PHIP: variants seen among roughly 807,000 people sequenced by gnomAD.
PHIP encodes the protein PH-interacting protein.
PHIP carries 54 observed loss-of-function variants against 236.8 expected under a neutral mutation model. That is an observed-to-expected ratio of 0.23 (90% CI 0.18 to 0.29). PHIP has a LOEUF of 0.29. Ranked by LOEUF, PHIP falls within the 10% of genes least tolerant of loss-of-function variation. PHIP has a pLI of 1.00. For synonymous variants in PHIP, 756 were observed against 718.9 expected (o/e 1.05, Z -0.83); for missense variants, 1,370 against 2,190.8 (o/e 0.63, Z 7.48).
chr6:78,999,535 C>T (rs940067011), intron 17 of PHIP, among the ~76,000 whole-genome samples: 6 of 151,960 alleles, frequency 3.9e-5, no homozygotes, highest in African/African-American at 1.4e-4. Context: ...AAATCTAGTA[C>T]AATGCTAGGC....
At chr6:78,985,462 AT>A in intron 21 of PHIP, 34 bp from the exon 22 acceptor site, 1 of 989,574 alleles carries the variant, frequency 1.0e-6, no homozygotes, top group Non-Finnish European at 1.6e-6. Context: ...TTATTGCATA[AT>A]TTTATAAAAT....
At chr6:79,073,207 T>C (rs1195501522) in intron 4 of PHIP, among the ~76,000 whole-genome samples, 2 of 152,184 alleles carry the variant, frequency 1.3e-5, no homozygotes, top group Non-Finnish European at 2.9e-5. Flanking sequence ...TTTTAAAAAA[T>C]GGTATAAGCA....
intron 7 of PHIP, among the ~76,000 whole-genome samples, chr6:79,038,572 T>C (rs1474532955): frequency 3.3e-5 from 5 of 152,230 alleles, no homozygotes; most frequent in African/African-American, 1.2e-4. Flanking sequence ...CATGAAATTC[T>C]CATCTCCTGG....
At chr6:79,042,179 AATCAAAT>A (rs1179927435) in intron 7 of PHIP, among the ~76,000 whole-genome samples, 1 of 152,050 alleles carries the variant, frequency 6.6e-6, no homozygotes. Flanking sequence ...GGCACCTGAA[AATCAAAT>A]ATTTCCAAAA....
intron 6 of PHIP, among the ~76,000 whole-genome samples, chr6:79,045,180 T>TGTTA (rs1772417025): frequency 6.6e-6 from 1 of 152,142 alleles, no homozygotes; most frequent in Non-Finnish European, 1.5e-5. Context: ...GACAAACTTG[T>TGTTA]GTTAACAGCA....
At chr6:78,992,502 G>GC (rs1401174482) in intron 19 of PHIP, among the ~76,000 whole-genome samples, 2 of 150,906 alleles carry the variant, frequency 1.3e-5, no homozygotes, top group Non-Finnish European at 3.0e-5. Context: ...TTCACAAGCT[G>GC]CAAGTTTGTG....
In PHIP at chr6:78,947,704, A is replaced by G. The variant is rs1237232512; in HGVS notation, c.4125T>C (p.Tyr1375=). 5 of 1,581,156 alleles carry G rather than the reference A, an allele frequency of 3.2e-6. No individual in the cohort carries two copies. Among genetic ancestry groups the G allele is most frequent in the Admixed American group, 3.3e-5 (2 of 59,952 alleles). ...TVRETLEAGN[Y]ESPMELCKDV... is the part of the protein sequence containing the mutation. ...CTTTACATAACTCCATTGGTGACTC[A>G]TAATTCCCAGCCTCTAAAGTTTCTC... The change falls in exon 36 of 40, where the codon TAT becomes TAC. Residue 1375 remains tyrosine (Y), a synonymous_variant. Coordinates refer to ENST00000275034, the MANE Select transcript of PHIP (RefSeq NM_017934.7).
intron 6 of PHIP, among the ~76,000 whole-genome samples, chr6:79,050,390 G>A (rs1772731731): frequency 6.6e-6 from 1 of 152,074 alleles, no homozygotes; most frequent in South Asian, 2.1e-4. Flanking sequence ...TTACCAGTAA[G>A]GAAACCAAAG....
chr6:78,954,266 T>TG (rs1766256137), intron 35 of PHIP, among the ~76,000 whole-genome samples: 1 of 130,164 alleles, frequency 7.7e-6, no homozygotes, highest in African/African-American at 2.8e-5. Flanking sequence ...CACGCCTGGC[T>TG]AATTTTTTTT....
rs70937077 is a variant in PHIP, at chr6:79,016,722, T to C, written c.1137-80A>G. On this transcript the variant is annotated intron_variant, in intron 12 of 39. Transcript: ENST00000275034. ...ATGCACTTTTCCCAGAGATCTTGTT[T>C]AAAAAGACAGCATTCATCTTTATTT... 2,728 of 803,628 alleles carry C rather than the reference T, an allele frequency of 3.4e-3. 93 individuals carry two copies. The East Asian group carries it at 0.066, about 20-fold the overall frequency. The allele number at this position is 803,628 out of a possible 1,614,324, so 49.8% of individuals were successfully genotyped here. A position where few individuals can be genotyped will look rare whatever the true frequency, so the allele number is the denominator to read the frequency against.
Position 78,958,462 on chromosome 6 carries a change from A to G in PHIP, c.3782+13T>C. The G allele has an allele frequency of 7.0e-7, 1 of 1,418,574 alleles. No homozygotes were observed. The highest frequency in any genetic ancestry group is 1.2e-5 in the South Asian group (1 of 85,492). The allele number at this position is 1,418,574 out of a possible 1,614,324, so 87.9% of individuals were successfully genotyped here. On this transcript the variant is annotated intron_variant, in intron 32 of 39. Coordinates refer to ENST00000275034, the MANE Select transcript of PHIP (RefSeq NM_017934.7). ...TTAAAACTATCATAATTACATATGA[A>G]AAGATAACTTACTTTATAAAATGTA... is the stretch of plus-strand genomic sequence containing the variant.
intron 6 of PHIP, among the ~76,000 whole-genome samples, chr6:79,043,905 C>T (rs1772344668): frequency 6.6e-6 from 1 of 150,832 alleles, no homozygotes; most frequent in East Asian, 1.9e-4. Context: ...CGAATTTAGC[C>T]CTAAAGAAAA....
intron 6 of PHIP, among the ~76,000 whole-genome samples, chr6:79,051,165 T>C (rs1400328486): frequency 2.0e-5 from 3 of 152,142 alleles, no homozygotes; most frequent in Non-Finnish European, 4.4e-5. Flanking sequence ...CCAGAATTAA[T>C]CTGGGAAATT....
chr6:79,005,280 C>T (rs1562172207), intron 15 of PHIP, among the ~76,000 whole-genome samples: 1 of 151,810 alleles, frequency 6.6e-6, no homozygotes. Context: ...GATTCCAAGT[C>T]TACTTTAAAA....
At chr6:79,057,992 A>G (rs1773158306) in intron 6 of PHIP, among the ~76,000 whole-genome samples, 1 of 152,292 alleles carries the variant, frequency 6.6e-6, no homozygotes, top group South Asian at 2.1e-4. Flanking sequence ...TGGTCAGTCT[A>G]GCTTCTCTGC....
chr6:79,052,761 T>G (rs1213279373), intron 6 of PHIP, among the ~76,000 whole-genome samples: 3 of 152,122 alleles, frequency 2.0e-5, no homozygotes, highest in African/African-American at 7.2e-5. Flanking sequence ...TATAAAAACT[T>G]GAAAAGAACA....
intron 7 of PHIP, 27 bp from the exon 8 acceptor site, chr6:79,026,191 A>T: frequency 1.4e-6 from 2 of 1,469,258 alleles, no homozygotes; most frequent in Non-Finnish European, 1.9e-6. Context: ...ATATTAATAG[A>T]ATTAACCCCA....
intron 6 of PHIP, among the ~76,000 whole-genome samples, chr6:79,051,455 T>G (rs779302807): frequency 1.3e-5 from 2 of 152,198 alleles, no homozygotes; most frequent in Non-Finnish European, 2.9e-5. Flanking sequence ...GCACCCATGA[T>G]AGCTTCTCTC....
At chr6:79,046,329 C>T (rs118161947) in intron 6 of PHIP, among the ~76,000 whole-genome samples, 2,135 of 152,274 alleles carry the variant, frequency 0.014, 20 homozygotes, top group Non-Finnish European at 0.021. Flanking sequence ...CCTAACCAGC[C>T]CACTGAAAAT....
Sources: allele counts gnomAD v4.1 joint callset (sites outside exome capture counted in the v4.1 genomes callset), GRCh38; gene constraint gnomAD v4.1.1; transcripts MANE v1.5; gene names NCBI Gene and HGNC (gene_info 2026-07-23, HGNC 2026-07-21).